ZNF100: variants seen among roughly 807,000 people sequenced by gnomAD.
The protein encoded by ZNF100 is zinc finger protein 100.
In ZNF100, 12 loss-of-function variants were observed where a neutral mutation model predicts 15.8. The ratio of observed to expected loss-of-function variants is 0.76; its 90% CI spans 0.49 to 1.23. The LOEUF (loss-of-function observed/expected upper bound fraction) is 1.23. Among genes scored for constraint, ZNF100 ranks in the 50% most tolerant of loss-of-function variants. ZNF100 has a pLI of 0.00. For synonymous variants in ZNF100, 226 were observed against 214.8 expected, an observed-to-expected ratio of 1.05 and a Z score of -0.45; for missense variants, 670 against 635.6, an observed-to-expected ratio of 1.05 and a Z score of -0.58.
intron 4 of ZNF100, 68 bp from the exon 5 acceptor site, chr19:21,728,057 A>G: frequency 7.4e-7 from 1 of 1,346,862 alleles, no homozygotes; most frequent in Non-Finnish European, 9.6e-7. Context: ...TCTAACCTCT[A>G]ATATACAAAC....
At chr19:21,757,934 G>C (rs777784384) in intron 2 of ZNF100, among the ~76,000 whole-genome samples, 1 of 152,046 alleles carries the variant, frequency 6.6e-6, no homozygotes. Context: ...TTACTTAATG[G>C]GCTGAGGTAG....
intron 2 of ZNF100, among the ~76,000 whole-genome samples, chr19:21,748,890 G>A (rs905189145): frequency 6.6e-6 from 1 of 152,156 alleles, no homozygotes; most frequent in East Asian, 1.9e-4. Context: ...ATTTTTAGCA[G>A]AGACAGGGTT....
At chr19:21,746,241 A>G (rs559025916) in intron 2 of ZNF100, among the ~76,000 whole-genome samples, 7 of 152,348 alleles carry the variant, frequency 4.6e-5, no homozygotes, top group African/African-American at 1.7e-4. Context: ...TCTGAATTCA[A>G]TCATACAGAA....
chr19:21,735,295 C>A (rs1010988794), intron 4 of ZNF100, among the ~76,000 whole-genome samples: 3 of 152,062 alleles, frequency 2.0e-5, no homozygotes, highest in African/African-American at 7.2e-5. Flanking sequence ...GAGATCGAGA[C>A]CATCTTAGCT....
At chr19:21,757,637 T>C (rs1293597546) in intron 2 of ZNF100, among the ~76,000 whole-genome samples, 2 of 152,232 alleles carry the variant, frequency 1.3e-5, no homozygotes, top group East Asian at 3.8e-4. Context: ...TATAAATTAT[T>C]CTACCATAAA....
In ZNF100 at chr19:21,750,736, C is replaced by T. The variant is rs969625726; in HGVS notation, c.97-5669G>A. 3.2e-5 allele frequency: 10 copies of T among 312,284 alleles called. No individual in the cohort carries two copies. In the South Asian group the frequency reaches 1.4e-3, roughly 43 times the overall value. The allele number at this position is 312,284 out of a possible 1,614,324, so 19.3% of individuals were successfully genotyped here. ...CTGCCAGCGAGGAGGCACCTGCTTGCGCGGGTGCAGCCTGGGCTGCGCCAT... is the reference window on the plus strand; with the variant it reads ...CTGCCAGCGAGGAGGCACCTGCTTGTGCGGGTGCAGCCTGGGCTGCGCCAT... On this transcript the variant is annotated intron_variant, in intron 2 of 4. Coordinates refer to ENST00000358296, the MANE Select transcript of ZNF100 (RefSeq NM_173531.4).
intron 2 of ZNF100, chr19:21,753,190 T>C (rs1057453494): frequency 6.6e-6 from 1 of 152,120 alleles, no homozygotes; most frequent in African/African-American, 2.4e-5. Context: ...GGCTGCAGTG[T>C]ATCGTGATGG....
At chr19:21,728,396 CTCTT>C (rs1417689613) in intron 4 of ZNF100, among the ~76,000 whole-genome samples, 1 of 152,012 alleles carries the variant, frequency 6.6e-6, no homozygotes, top group African/African-American at 2.4e-5. Flanking sequence ...GTTTGTGTCT[CTCTT>C]GAAATATAAT....
intron 4 of ZNF100, 107 bp from the exon 5 acceptor site, chr19:21,728,096 C>G: frequency 9.4e-7 from 1 of 1,064,126 alleles, no homozygotes; most frequent in Non-Finnish European, 1.2e-6. Context: ...TAGGAAAATA[C>G]CAAAGGCCCT....
At position 21,727,173 on chromosome 19, in the gene ZNF100, T is replaced by C. The variant is rs2145680604; in HGVS notation, c.1139A>G (p.Lys380Arg). Residue 380 changes from lysine (K) to arginine (R), a missense_variant, in exon 5 of 5, where the codon AAA becomes AGA. Coordinates refer to ENST00000358296, the MANE Select transcript of ZNF100 (RefSeq NM_173531.4). ...EKPYKCEECG[K>R]AFYRFSYLTK... ...AAGGTATGAGAATCGGTAAAAAGCT[T>C]TGCCACATTCTTCACATTTGTAAGG... 1 of 1,612,306 alleles carries C rather than the reference T, an allele frequency of 6.2e-7. No individual in the cohort carries two copies. The highest frequency in any genetic ancestry group is 1.7e-4 in the Middle Eastern group (1 of 6,056).
intron 4 of ZNF100, among the ~76,000 whole-genome samples, chr19:21,739,240 T>C (rs1317996083): frequency 6.6e-6 from 1 of 152,256 alleles, no homozygotes; most frequent in Non-Finnish European, 1.5e-5. Context: ...TTGCACCTGA[T>C]GTATTCTGTT....
At chr19:21,732,238 C>T (rs1020640615) in intron 4 of ZNF100, among the ~76,000 whole-genome samples, 1 of 152,182 alleles carries the variant, frequency 6.6e-6, no homozygotes. Context: ...AAGAAAGATA[C>T]AGTTACAATA....
chr19:21,751,446 C>T, intron 2 of ZNF100: 1 of 850,330 alleles, frequency 1.2e-6, no homozygotes, highest in South Asian at 1.3e-5. Context: ...TTTAGTGCTG[C>T]ACAGCTAACA....
intron 2 of ZNF100, among the ~76,000 whole-genome samples, chr19:21,765,103 C>T (rs2036538107): frequency 6.6e-6 from 1 of 152,176 alleles, no homozygotes. Flanking sequence ...AAATGAAATA[C>T]ATGATCAGAC....
At chr19:21,739,351 T>A (rs1426617752) in intron 4 of ZNF100, among the ~76,000 whole-genome samples, 1 of 152,168 alleles carries the variant, frequency 6.6e-6, no homozygotes, top group Non-Finnish European at 1.5e-5. Context: ...GGACCACAAG[T>A]ATAAGACCAG....
intron 2 of ZNF100, among the ~76,000 whole-genome samples, chr19:21,747,636 C>A (rs1040350335): frequency 1.3e-5 from 2 of 152,196 alleles, no homozygotes; most frequent in African/African-American, 4.8e-5. Context: ...CTTGTCACAA[C>A]ACAAATACTT....
chr19:21,760,198 A>G (rs1156951990), intron 2 of ZNF100, among the ~76,000 whole-genome samples: 2 of 146,672 alleles, frequency 1.4e-5, no homozygotes, highest in Non-Finnish European at 3.0e-5. Flanking sequence ...AAAAAAAAGG[A>G]AATTGCTATT....
Position 21,727,009 on chromosome 19 carries a change from C to T in ZNF100, c.1303G>A (p.Gly435Ser), listed in dbSNP as rs2035805844. Residue 435 changes from glycine to serine, a missense_variant, in exon 5 of 5, where the codon GGC (glycine) becomes AGC (serine). Transcript: ENST00000358296. ...TTTGAGGACTCATTAAAAGCTTTGC[C>T]ACATTCTTCACATTTGTAGGGTTTC... ...GEKPYKCEEC[G>S]KAFNESSNLT... 2.5e-6 allele frequency: 4 copies of T among 1,613,730 alleles called. No homozygotes were observed. In the Admixed American group the frequency reaches 5.0e-5, roughly 20 times the overall value.
At position 21,726,817 on chromosome 19, in the gene ZNF100, T is replaced by C. The variant is rs752055635; in HGVS notation, c.1495A>G (p.Thr499Ala). 4.3e-6 allele frequency: 7 copies of C among 1,613,710 alleles called. No individual in the cohort carries two copies. The highest frequency in any genetic ancestry group is 5.9e-6 in the Non-Finnish European group (7 of 1,179,876). ...ECGKAFNRSS[T>A]LTKHKITHTG... is the part of the protein sequence containing the mutation. The stretch of plus-strand genomic sequence containing the variant: ...TGAGTTATCTTATGTTTAGTAAGGG[T>C]TGAGGATCGGTTAAAAGCTTTGCCA... The change falls in exon 5 of 5, where the codon ACC becomes GCC. Residue 499 changes from threonine (T) to alanine (A), a missense_variant. Thr to Ala is a moderately conservative substitution (Grantham distance 58). Transcript: ENST00000358296.
Sources: gnomAD v4.1 joint callset for allele counts (sites outside exome capture counted in the v4.1 genomes callset) on GRCh38, gnomAD v4.1.1 for gene constraint, MANE v1.5 for transcripts, NCBI Gene and HGNC (gene_info 2026-07-23, HGNC 2026-07-21) for gene names.